The following PTPRM variants were observed in gnomAD, a reference collection of about 807,000 sequenced individuals.
PTPRM encodes receptor-type tyrosine-protein phosphatase mu.
A neutral mutation model predicts 186.7 loss-of-function variants in PTPRM; 47 were observed. The observed-to-expected ratio is 0.25, with a 90% CI of 0.20 to 0.32. The LOEUF is 0.32. PTPRM is among the 10% of genes least tolerant of loss of function. PTPRM has a pLI of 1.00. For synonymous variants in PTPRM, 668 were observed against 674.9 expected, an observed-to-expected ratio of 0.99 and a Z score of 0.16; for missense variants, 1,494 against 1,865.0, an observed-to-expected ratio of 0.80 and a Z score of 3.66.
chr18:7,983,841 G>A (rs142109422), intron 7 of PTPRM, among the ~76,000 whole-genome samples: 276 of 152,200 alleles, frequency 1.8e-3, no homozygotes, highest in Non-Finnish European at 3.2e-3. Context: ...ACATAAAAAC[G>A]TGCCATAGTA....
intron 13 of PTPRM, among the ~76,000 whole-genome samples, chr18:8,141,044 A>G (rs1405188369): frequency 1.3e-5 from 2 of 152,176 alleles, no homozygotes; most frequent in African/African-American, 4.8e-5. Flanking sequence ...CCAGAACCAC[A>G]TGTTCCCAAA....
chr18:7,814,317 G>A (rs993283356), intron 2 of PTPRM: 3 of 152,170 alleles, frequency 2.0e-5, no homozygotes, highest in African/African-American at 7.2e-5. Context: ...AAGCACATAG[G>A]TGGTAAAATA....
chr18:8,208,116 C>G (rs1014169048), intron 14 of PTPRM, among the ~76,000 whole-genome samples: 2 of 152,336 alleles, frequency 1.3e-5, no homozygotes, highest in Non-Finnish European at 2.9e-5. Context: ...CAACCATAAC[C>G]GTAAGCTGAG....
rs1181050765 is a variant in PTPRM, at chr18:8,004,926, C to T, written c.1132+49512C>T. ...TCTTTTCCCTCAAATGGTTCCCCCT[C>T]ACCCATGCATTTCAGTGAAGAATAT... On this transcript the variant is annotated intron_variant, in intron 7 of 32. Coordinates refer to ENST00000580170, the MANE Select transcript of PTPRM (RefSeq NM_001105244.2). Among the ~76,000 whole-genome samples the T allele has an allele frequency of 2.0e-5, 3 of 152,254 alleles. No homozygotes were observed. In the East Asian group the frequency reaches 5.8e-4, roughly 29 times the overall value.
At chr18:7,901,949 A>G (rs370184199) in intron 3 of PTPRM, among the ~76,000 whole-genome samples, 9 of 152,346 alleles carry the variant, frequency 5.9e-5, no homozygotes, top group African/African-American at 2.2e-4. Flanking sequence ...AGAAAGAACT[A>G]GAAAATGGTT....
At chr18:8,366,604 G>A (rs543214122) in intron 23 of PTPRM, among the ~76,000 whole-genome samples, 3 of 152,304 alleles carry the variant, frequency 2.0e-5, no homozygotes, top group African/African-American at 7.2e-5. Flanking sequence ...CTTTTTTCAG[G>A]AAGTTAGAAA....
chr18:7,915,474 A>G (rs561224277), intron 4 of PTPRM, among the ~76,000 whole-genome samples: 2 of 152,276 alleles, frequency 1.3e-5, no homozygotes, highest in East Asian at 3.9e-4. Context: ...TCAGCATGGG[A>G]TCTACACTTT....
chr18:7,966,198 A>T (rs1424541335), intron 7 of PTPRM, among the ~76,000 whole-genome samples: 1 of 152,232 alleles, frequency 6.6e-6, no homozygotes, highest in African/African-American at 2.4e-5. Context: ...TAAATTATAA[A>T]TACAAGAAAT....
At chr18:8,258,569 T>A (rs2094596671) in intron 19 of PTPRM, among the ~76,000 whole-genome samples, 1 of 152,140 alleles carries the variant, frequency 6.6e-6, no homozygotes, top group African/African-American at 2.4e-5. Flanking sequence ...TCGATTATTT[T>A]TTTTATGCCT....
In PTPRM at chr18:8,369,597, G is replaced by A. The variant is rs915872557; in HGVS notation, c.3055-1293G>A. ...CTGTGGGGCAAAGAATTCTCTTTTA[G>A]ACTTATGGTCTTTGAGGTGCTGGCA... On this transcript the variant is annotated intron_variant, in intron 23 of 32. Transcript: ENST00000580170. 4.6e-5 allele frequency among the ~76,000 whole-genome samples: 7 copies of A among 152,120 alleles called. No homozygotes were observed. In the South Asian group the frequency reaches 1.4e-3, roughly 32 times the overall value.
At chr18:7,884,119 C>T (rs1417877586) in intron 2 of PTPRM, among the ~76,000 whole-genome samples, 1 of 152,090 alleles carries the variant, frequency 6.6e-6, no homozygotes, top group African/African-American at 2.4e-5. Flanking sequence ...TGCACTCCAG[C>T]CTGGGGGACA....
chr18:8,191,114 C>T (rs923017425), intron 14 of PTPRM, among the ~76,000 whole-genome samples: 1 of 152,114 alleles, frequency 6.6e-6, no homozygotes, highest in African/African-American at 2.4e-5. Context: ...GGAAAGGGAA[C>T]CTTAAGTTGG....
chr18:7,941,268 C>G (rs564937480), intron 5 of PTPRM, among the ~76,000 whole-genome samples: 1 of 152,132 alleles, frequency 6.6e-6, no homozygotes, highest in Non-Finnish European at 1.5e-5. Context: ...TATGCTCTGC[C>G]GAAAGCCTGA....
At chr18:7,619,813 G>A (rs1384501201) in intron 1 of PTPRM, among the ~76,000 whole-genome samples, 1 of 152,142 alleles carries the variant, frequency 6.6e-6, no homozygotes, top group Non-Finnish European at 1.5e-5. Context: ...TTGGACATAG[G>A]CGTGACCATA....
chr18:7,645,012 TTTCAG>T (rs1300536691), intron 1 of PTPRM, among the ~76,000 whole-genome samples: 1 of 152,204 alleles, frequency 6.6e-6, no homozygotes, highest in Non-Finnish European at 1.5e-5. Context: ...ATAGATTTCA[TTTCAG>T]TTAATATGTC....
intron 13 of PTPRM, among the ~76,000 whole-genome samples, chr18:8,120,280 C>T (rs768773551): frequency 2.6e-5 from 4 of 152,060 alleles, no homozygotes; most frequent in Non-Finnish European, 5.9e-5. Flanking sequence ...CTTTACAAAG[C>T]AGAACATAGA....
chr18:8,261,987 C>G (rs1478994559), intron 19 of PTPRM, among the ~76,000 whole-genome samples: 3 of 151,908 alleles, frequency 2.0e-5, no homozygotes, highest in African/African-American at 7.2e-5. Context: ...TGCCCGTGTG[C>G]CAGCATCTGC....
intron 7 of PTPRM, among the ~76,000 whole-genome samples, chr18:8,003,599 C>G (rs749624956): frequency 4.6e-5 from 7 of 152,206 alleles, no homozygotes; most frequent in Non-Finnish European, 1.0e-4. Context: ...GGATCAGTTC[C>G]GGTCCTCATG....
intron 3 of PTPRM, among the ~76,000 whole-genome samples, chr18:7,894,212 T>G (rs1031952024): frequency 6.6e-6 from 1 of 152,188 alleles, no homozygotes; most frequent in Non-Finnish European, 1.5e-5. Flanking sequence ...CATATAGATT[T>G]CTTTATAAGG....
Sources: allele counts gnomAD v4.1 joint callset (sites outside exome capture counted in the v4.1 genomes callset), GRCh38; gene constraint gnomAD v4.1.1; transcripts MANE v1.5; gene names NCBI Gene and HGNC (gene_info 2026-07-23, HGNC 2026-07-21).